Variants in PGCKA1 observed in about 807,000 individuals in gnomAD.
The protein encoded by PGCKA1 is PDCD10 and GCKIII kinases-associated protein 1.
At chr4:37,507,434 G>A in the PGCKA1 span, among the ~76,000 whole-genome samples, 27 of 151,826 alleles carry the variant, frequency 1.8e-4, no homozygotes, top group Admixed American at 9.2e-4. Context: ...TATTTTTTGT[G>A]TATCCATTGT....
the PGCKA1 span, among the ~76,000 whole-genome samples, chr4:37,533,403 T>C: frequency 6.6e-6 from 1 of 152,256 alleles, no homozygotes; most frequent in Non-Finnish European, 1.5e-5. Context: ...ACACTTGTGA[T>C]CTGTGAATTG....
chr4:37,551,504 A>AT, the PGCKA1 span, among the ~76,000 whole-genome samples: 1 of 152,196 alleles, frequency 6.6e-6, no homozygotes, highest in Non-Finnish European at 1.5e-5. Flanking sequence ...CCGGCAAAAA[A>AT]ACCCTCAGAT....
At chr4:37,499,325 G>A in the PGCKA1 span, among the ~76,000 whole-genome samples, 1 of 152,140 alleles carries the variant, frequency 6.6e-6, no homozygotes, top group Non-Finnish European at 1.5e-5. Context: ...GCAGGATGAT[G>A]CTGGCCTCAT....
the PGCKA1 span, among the ~76,000 whole-genome samples, chr4:37,529,304 A>C: frequency 6.6e-6 from 1 of 152,232 alleles, no homozygotes; most frequent in African/African-American, 2.4e-5. Flanking sequence ...ACTTCAAATT[A>C]TAAGCTAGTA....
chr4:37,562,472 A>C, the PGCKA1 span, among the ~76,000 whole-genome samples: 3 of 152,320 alleles, frequency 2.0e-5, no homozygotes, highest in African/African-American at 7.2e-5. Context: ...CTTTGTGGCA[A>C]ATATGTTAGC....
the PGCKA1 span, among the ~76,000 whole-genome samples, chr4:37,568,819 T>C: frequency 2.9e-4 from 44 of 152,212 alleles, no homozygotes; most frequent in Non-Finnish European, 6.3e-4. Context: ...ATCGTTTAGA[T>C]TGTTAAATTT....
chr4:37,463,059 CTG>C, the PGCKA1 span, among the ~76,000 whole-genome samples: 2 of 149,658 alleles, frequency 1.3e-5, no homozygotes, highest in East Asian at 2.0e-4. Context: ...GATAAGAAAA[CTG>C]AGGCCTAAAG....
chr4:37,458,646 A>G, the PGCKA1 span, among the ~76,000 whole-genome samples: 1 of 152,156 alleles, frequency 6.6e-6, no homozygotes, highest in Non-Finnish European at 1.5e-5. Flanking sequence ...CTTGGTTGCA[A>G]GAGAGAATGG....
chr4:37,481,050 A>C, the PGCKA1 span, among the ~76,000 whole-genome samples: 1 of 152,316 alleles, frequency 6.6e-6, no homozygotes, highest in African/African-American at 2.4e-5. Context: ...TAGCTATCTA[A>C]TCCAGCATTT....
At chr4:37,493,907 T>G in the PGCKA1 span, among the ~76,000 whole-genome samples, 1 of 152,240 alleles carries the variant, frequency 6.6e-6, no homozygotes, top group African/African-American at 2.4e-5. Context: ...TGACAGGATC[T>G]CATTCTTTTA....
chr4:37,460,829 C>G, the PGCKA1 span: 36 of 358,944 alleles, frequency 1.0e-4, no homozygotes, highest in Middle Eastern at 9.5e-4. Context: ...TGCAGAAGCT[C>G]TTTAGTTTAA....
the PGCKA1 span, among the ~76,000 whole-genome samples, chr4:37,580,345 G>T: frequency 7.3e-6 from 1 of 136,842 alleles, no homozygotes; most frequent in Non-Finnish European, 1.5e-5. Context: ...GTTTGTGGAT[G>T]CTCACTGGTG....
At chr4:37,592,370 AAAG>A in the PGCKA1 span, among the ~76,000 whole-genome samples, 5 of 151,528 alleles carry the variant, frequency 3.3e-5, no homozygotes, top group African/African-American at 1.2e-4. Flanking sequence ...AAAAAAAAAA[AAAG>A]AGCTAGACTA....
the PGCKA1 span, among the ~76,000 whole-genome samples, chr4:37,548,018 A>C: frequency 7.5e-6 from 1 of 133,190 alleles, no homozygotes; most frequent in East Asian, 2.5e-4. Context: ...AAAAGGAAAA[A>C]AAAAGGGGGG....
the PGCKA1 span, among the ~76,000 whole-genome samples, chr4:37,582,552 C>G: frequency 3.9e-5 from 6 of 152,176 alleles, no homozygotes; most frequent in African/African-American, 7.2e-5. Flanking sequence ...TGGAAGCATT[C>G]TTCTGTCTTT....
At chr4:37,500,021 C>T in the PGCKA1 span, among the ~76,000 whole-genome samples, 1 of 144,794 alleles carries the variant, frequency 6.9e-6, no homozygotes, top group African/African-American at 2.6e-5. Flanking sequence ...TTCCTGGGTT[C>T]ATGCCATTCT....
At chr4:37,497,023 T>C in the PGCKA1 span, among the ~76,000 whole-genome samples, 17 of 152,160 alleles carry the variant, frequency 1.1e-4, no homozygotes, top group African/African-American at 3.1e-4. Context: ...GAGATCCTGG[T>C]GCACCCATCA....
At chr4:37,553,937 AGACGGAAAGT>A in the PGCKA1 span, among the ~76,000 whole-genome samples, 1 of 152,208 alleles carries the variant, frequency 6.6e-6, no homozygotes, top group African/African-American at 2.4e-5. Flanking sequence ...CTATAATCCA[AGACGGAAAGT>A]GATCAGAGCT....
the PGCKA1 span, among the ~76,000 whole-genome samples, chr4:37,535,022 T>G: frequency 1.3e-5 from 2 of 152,180 alleles, no homozygotes; most frequent in Non-Finnish European, 2.9e-5. Context: ...CCAACTCTTG[T>G]CTAAGAGGTG....
Sources: gnomAD v4.1 joint callset for allele counts (sites outside exome capture counted in the v4.1 genomes callset) on GRCh38, gnomAD v4.1.1 for gene constraint, MANE v1.5 for transcripts, NCBI Gene and HGNC (gene_info 2026-07-23, HGNC 2026-07-21) for gene names.